Variants in KCNIP4 observed in about 807,000 individuals in gnomAD.
KCNIP4 encodes potassium voltage-gated channel interacting protein 4.
A neutral mutation model predicts 34.0 loss-of-function variants in KCNIP4; 12 were observed. The observed-to-expected ratio is 0.35, with a 90% CI of 0.23 to 0.57. The LOEUF (loss-of-function observed/expected upper bound fraction) is 0.57, where lower values mean the gene tolerates loss of function less well. KCNIP4 is among the 20% of genes least tolerant of loss of function. The pLI is 0.83. For synonymous variants in KCNIP4, 124 were observed against 102.2 expected (o/e 1.21, Z -1.29); for missense variants, 238 against 311.7 (o/e 0.76, Z 1.78).
intron 1 of KCNIP4, among the ~76,000 whole-genome samples, chr4:21,109,273 T>C (rs1333012303): frequency 6.6e-6 from 1 of 152,356 alleles, no homozygotes; most frequent in Non-Finnish European, 1.5e-5. Context: ...GCTTCCCGGC[T>C]GCTTTGTTTA....
chr4:21,101,484 G>A (rs1747935871), intron 1 of KCNIP4, among the ~76,000 whole-genome samples: 1 of 152,220 alleles, frequency 6.6e-6, no homozygotes, highest in East Asian at 1.9e-4. Context: ...ACTGTGAATA[G>A]TGCTGCAATA....
Position 21,379,540 on chromosome 4 carries a change from T to C in KCNIP4, c.62-496831A>G, listed in dbSNP as rs553063197. ...ACTAGGTGGGAGAGTTTCTCTAAGA[T>C]GAATGCCTGTAAATGAAATTCTCTC... On this transcript the variant is annotated intron_variant, in intron 1 of 8. Coordinates refer to ENST00000382152, the MANE Select transcript of KCNIP4 (RefSeq NM_025221.6). Among the ~76,000 whole-genome samples, 23 of 152,326 alleles carry C rather than the reference T, an allele frequency of 1.5e-4. 1 individual carries two copies. The highest frequency in any genetic ancestry group is 1.2e-3 in the Admixed American group (18 of 15,294).
chr4:21,085,292 T>C (rs766315242), intron 1 of KCNIP4, among the ~76,000 whole-genome samples: 11 of 152,090 alleles, frequency 7.2e-5, no homozygotes, highest in Non-Finnish European at 1.5e-4. Context: ...AAGGCCCTCA[T>C]TGAAAACCCA....
chr4:21,424,220 G>T (rs1476483278), intron 1 of KCNIP4, among the ~76,000 whole-genome samples: 6 of 152,016 alleles, frequency 3.9e-5, no homozygotes, highest in Non-Finnish European at 7.4e-5. Context: ...ACTAGAAAAG[G>T]CCTGGGGTCC....
intron 7 of KCNIP4, among the ~76,000 whole-genome samples, 172 bp downstream of exon 7, chr4:20,732,509 C>T (rs754674116): frequency 2.0e-5 from 3 of 152,196 alleles, no homozygotes; most frequent in Non-Finnish European, 2.9e-5. Context: ...ATGCAGTTAT[C>T]AGCATTGTAA....
chr4:21,497,435 T>C (rs2109877387), intron 1 of KCNIP4, among the ~76,000 whole-genome samples: 1 of 152,266 alleles, frequency 6.6e-6, no homozygotes, highest in East Asian at 1.9e-4. Context: ...CCACTGTTTT[T>C]TCAGTGCAAA....
At chr4:20,849,643 A>AT (rs1720787884) in intron 3 of KCNIP4, among the ~76,000 whole-genome samples, 1 of 151,898 alleles carries the variant, frequency 6.6e-6, no homozygotes, top group South Asian at 2.1e-4. Context: ...GGGTTTCAAA[A>AT]GGATCAAAGC....
chr4:21,708,707 T>G (rs1472136588), intron 1 of KCNIP4, among the ~76,000 whole-genome samples: 1 of 152,248 alleles, frequency 6.6e-6, no homozygotes, highest in Non-Finnish European at 1.5e-5. Context: ...CATTTTCAGT[T>G]ATATCAAAGG....
At chr4:20,846,095 C>A (rs1720335568) in intron 3 of KCNIP4, among the ~76,000 whole-genome samples, 2 of 152,108 alleles carry the variant, frequency 1.3e-5, no homozygotes, top group Non-Finnish European at 2.9e-5. Context: ...AGTAACATAA[C>A]ATTTAATGTC....
intron 1 of KCNIP4, among the ~76,000 whole-genome samples, chr4:20,947,116 A>G (rs1449071869): frequency 1.3e-5 from 2 of 152,074 alleles, no homozygotes; most frequent in African/African-American, 4.8e-5. Flanking sequence ...CTCTGTTATC[A>G]TCACTCTAAC....
intron 3 of KCNIP4, among the ~76,000 whole-genome samples, chr4:20,776,015 A>G (rs1194229156): frequency 6.6e-6 from 1 of 152,224 alleles, no homozygotes; most frequent in Non-Finnish European, 1.5e-5. Flanking sequence ...ATAAAGGTCC[A>G]GAAATTCCAG....
At chr4:21,212,551 C>T (rs1184333691) in intron 1 of KCNIP4, among the ~76,000 whole-genome samples, 5 of 152,146 alleles carry the variant, frequency 3.3e-5, no homozygotes, top group Non-Finnish European at 5.9e-5. Context: ...CAATGAATAT[C>T]ACAAACTGGG....
At chr4:21,929,488 G>C (rs1290353523) in intron 1 of KCNIP4, among the ~76,000 whole-genome samples, 1 of 152,028 alleles carries the variant, frequency 6.6e-6, no homozygotes, top group Non-Finnish European at 1.5e-5. Flanking sequence ...AGGTACAATA[G>C]TGCACTAAAA....
intron 1 of KCNIP4, among the ~76,000 whole-genome samples, chr4:21,320,071 T>A (rs533495526): frequency 3.5e-4 from 53 of 152,310 alleles, no homozygotes; most frequent in Non-Finnish European, 5.7e-4. Flanking sequence ...TATTAGAGCA[T>A]TTGGAGAGAA....
intron 1 of KCNIP4, among the ~76,000 whole-genome samples, chr4:21,036,385 A>T (rs559504057): frequency 1.3e-5 from 2 of 152,342 alleles, no homozygotes; most frequent in South Asian, 4.1e-4. Context: ...ACGTAGATCC[A>T]ATTTGGGGAA....
rs1026873525 is a variant in KCNIP4 at position 21,106,658 on chromosome 4, C to T, written c.62-223949G>A. Reference sequence around the variant, plus strand: ...CTGCTAGCGTTTGAATGTGTTTGCTCTTGCTTTTCTAGTTCTTTTAATTGT... The same window carrying T: ...CTGCTAGCGTTTGAATGTGTTTGCTTTTGCTTTTCTAGTTCTTTTAATTGT... On this transcript the variant is annotated intron_variant, in intron 1 of 8. Coordinates refer to ENST00000382152, the MANE Select transcript of KCNIP4 (RefSeq NM_025221.6). Among the ~76,000 whole-genome samples the T allele has an allele frequency of 7.3e-5, 11 of 151,552 alleles. 1 individual carries two copies. The highest frequency in any genetic ancestry group is 2.4e-4 in the African/African-American group (10 of 40,950).
chr4:21,469,248 A>G (rs1199670377), intron 1 of KCNIP4, among the ~76,000 whole-genome samples: 2 of 151,690 alleles, frequency 1.3e-5, no homozygotes, highest in Non-Finnish European at 2.9e-5. Context: ...CCCCCACCAT[A>G]TTACCCAGGT....
intron 1 of KCNIP4, among the ~76,000 whole-genome samples, chr4:21,686,070 T>A (rs979593326): frequency 6.6e-6 from 1 of 152,208 alleles, no homozygotes. Context: ...GATTAGGAAA[T>A]TCTTTTTGTA....
intron 1 of KCNIP4, among the ~76,000 whole-genome samples, chr4:21,019,424 C>T (rs1176321984): frequency 3.9e-5 from 6 of 152,190 alleles, no homozygotes; most frequent in Non-Finnish European, 1.5e-5. Context: ...TCGCAAAGTG[C>T]TGGGATTACA....
Sources: allele counts gnomAD v4.1 joint callset (sites outside exome capture counted in the v4.1 genomes callset), GRCh38; gene constraint gnomAD v4.1.1; transcripts MANE v1.5; gene names NCBI Gene and HGNC (gene_info 2026-07-23, HGNC 2026-07-21).